The following VPS13B variants were observed in gnomAD, a reference collection of about 807,000 sequenced individuals.
VPS13B encodes intermembrane lipid transfer protein VPS13B.
A neutral mutation model predicts 426.4 loss-of-function variants in VPS13B; 285 were observed. The ratio of observed to expected loss-of-function variants is 0.67; its 90% confidence interval spans 0.61 to 0.74. VPS13B has a LOEUF of 0.74. Among genes scored for constraint, VPS13B ranks in the 30% least tolerant of loss-of-function variants. The pLI is 0.00. For synonymous variants in VPS13B, 1,676 were observed against 1,676.4 expected, an observed-to-expected ratio of 1.00 and a Z score of 0.01; for missense variants, 4,537 against 4,782.6, an observed-to-expected ratio of 0.95 and a Z score of 1.51.
chr8:99,618,735 A>G (rs1244477157), intron 33 of VPS13B, among the ~76,000 whole-genome samples: 1 of 152,222 alleles, frequency 6.6e-6, no homozygotes, highest in East Asian at 1.9e-4. Flanking sequence ...GCCTCTGAAT[A>G]TAATCCTTTG....
chr8:99,519,860 T>G (rs974599161), intron 29 of VPS13B, among the ~76,000 whole-genome samples: 4 of 151,872 alleles, frequency 2.6e-5, no homozygotes, highest in African/African-American at 9.7e-5. Context: ...AAATGACAAG[T>G]TAATGGGTGC....
chr8:99,764,723 T>A (rs548499735), intron 39 of VPS13B, among the ~76,000 whole-genome samples: 1 of 152,242 alleles, frequency 6.6e-6, no homozygotes, highest in African/African-American at 2.4e-5. Flanking sequence ...CATAGAGATA[T>A]ACTTTATTCA....
chr8:99,084,197 G>T (rs1372596306), intron 3 of VPS13B, among the ~76,000 whole-genome samples: 1 of 151,868 alleles, frequency 6.6e-6, no homozygotes, highest in Non-Finnish European at 1.5e-5. Context: ...AGGGTGTGTC[G>T]AGGAATTTAT....
chr8:99,614,525 A>G (rs141276682), intron 33 of VPS13B, among the ~76,000 whole-genome samples: 2 of 151,862 alleles, frequency 1.3e-5, no homozygotes, highest in Non-Finnish European at 2.9e-5. Context: ...TGATCCGCCC[A>G]CCTCGGCCTC....
intron 20 of VPS13B, 90 bp downstream of exon 20, chr8:99,384,407 T>G: frequency 9.5e-7 from 1 of 1,055,456 alleles, no homozygotes; most frequent in Admixed American, 1.9e-5. Context: ...GGATTCTTTT[T>G]TAACAAATGT....
In VPS13B at chr8:99,094,794, T is replaced by A. The variant is rs545082398; in HGVS notation, c.292-1518T>A. Among the ~76,000 whole-genome samples, 23 of 152,242 alleles carry A rather than the reference T, an allele frequency of 1.5e-4. No homozygotes were observed. The Middle Eastern group carries it at 0.014, about 90-fold the overall frequency. Reference sequence around the variant, plus strand: ...TCTTGAAATTTTCCCTTCAAATATATAAAGTAGAAAAACTAAATTTAATAC... The same window carrying A: ...TCTTGAAATTTTCCCTTCAAATATAAAAAGTAGAAAAACTAAATTTAATAC... On this transcript the variant is annotated intron_variant, in intron 3 of 61. Transcript: ENST00000357162.
chr8:99,079,238 G>A (rs569992030), intron 3 of VPS13B, among the ~76,000 whole-genome samples: 5 of 152,272 alleles, frequency 3.3e-5, no homozygotes, highest in Non-Finnish European at 1.5e-5. Context: ...CCTGGATGGT[G>A]TGTGCAAGTG....
Position 99,720,961 on chromosome 8 carries a change from C to T in VPS13B, c.6964C>T (p.Leu2322Phe), listed in dbSNP as rs760396073. Residue 2322 changes from leucine to phenylalanine, a missense_variant, in exon 39 of 62, where the codon CTC becomes TTC. This residue lies in a region of VPS13B where 4,311 missense variants were observed against 4,474.3 expected (regional missense o/e 0.96). Transcript: ENST00000357162. ...MLWRYPEPRVLTLVRITPVPF... is the reference protein window; with the variant it reads ...MLWRYPEPRVFTLVRITPVPF... Reference sequence around the variant, plus strand: ...ATGGAGATATCCAGAACCTAGAGTACTCACCCTTGTACGAATAACTCCTGT... The same window carrying T: ...ATGGAGATATCCAGAACCTAGAGTATTCACCCTTGTACGAATAACTCCTGT... The T allele has an allele frequency of 6.2e-7, 1 of 1,613,944 alleles. No homozygotes were observed. Among genetic ancestry groups the T allele is most frequent in the African/African-American group, 1.3e-5 (1 of 75,020 alleles).
intron 4 of VPS13B, 46 bp downstream of exon 4, chr8:99,096,478 G>T: frequency 6.2e-7 from 1 of 1,609,890 alleles, no homozygotes; most frequent in Non-Finnish European, 8.5e-7. Flanking sequence ...ATTTTTGGCC[G>T]GGCATGGTGG....
intron 39 of VPS13B, among the ~76,000 whole-genome samples, chr8:99,726,894 GC>G (rs1431537696): frequency 1.3e-5 from 2 of 152,182 alleles, no homozygotes; most frequent in African/African-American, 2.4e-5. Context: ...TTTTATTATA[GC>G]AGCATAAACT....
chr8:99,479,963 A>C (rs1819949798), intron 24 of VPS13B, among the ~76,000 whole-genome samples: 2 of 152,174 alleles, frequency 1.3e-5, no homozygotes, highest in Non-Finnish European at 2.9e-5. Flanking sequence ...GCTCTTTTTA[A>C]AAACTGTCAA....
intron 39 of VPS13B, among the ~76,000 whole-genome samples, chr8:99,750,695 A>G (rs1170455939): frequency 2.0e-5 from 3 of 152,170 alleles, no homozygotes; most frequent in South Asian, 4.1e-4. Context: ...AGAGGGGCAC[A>G]TAAGTTAGAG....
At chr8:99,624,148 G>A (rs1175829419) in intron 33 of VPS13B, among the ~76,000 whole-genome samples, 1 of 150,976 alleles carries the variant, frequency 6.6e-6, no homozygotes, top group East Asian at 1.9e-4. Flanking sequence ...GGTTATGTAT[G>A]TCAGTTGGTA....
At chr8:99,570,586 C>T (rs1825424429) in intron 31 of VPS13B, among the ~76,000 whole-genome samples, 1 of 150,552 alleles carries the variant, frequency 6.6e-6, no homozygotes, top group South Asian at 2.1e-4. Flanking sequence ...TTTTTTAATT[C>T]TGTATGTTTT....
intron 27 of VPS13B, 54 bp downstream of exon 27, chr8:99,503,004 TAC>T: frequency 7.5e-7 from 1 of 1,333,676 alleles, no homozygotes; most frequent in Non-Finnish European, 1.1e-6. Context: ...TGAACAAAGT[TAC>T]CATAAGACTT....
chr8:99,575,743 A>T lies in VPS13B; in HGVS notation c.5035A>T (p.Ile1679Phe). Residue 1679 changes from isoleucine to phenylalanine, a missense_variant, in exon 32 of 62, where the codon ATT (isoleucine) becomes TTT (phenylalanine). Physicochemically the swap from Ile to Phe is conservative, Grantham distance 21. This residue lies in a region of VPS13B where 4,311 missense variants were observed against 4,474.3 expected (regional missense o/e 0.96). Coordinates refer to ENST00000357162, the MANE Select transcript of VPS13B (RefSeq NM_152564.5). Reference sequence around the variant, plus strand: ...CCGAATAACTGGAGCACCTGCTGTCATTTTCACCAAAGTAGTTTCTCCAGA... The same window carrying T: ...CCGAATAACTGGAGCACCTGCTGTCTTTTTCACCAAAGTAGTTTCTCCAGA... Reference protein sequence around the residue: ...SVRITGAPAVIFTKVVSPENL... With the variant: ...SVRITGAPAVFFTKVVSPENL... The T allele has an allele frequency of 6.2e-7, 1 of 1,613,818 alleles. No individual in the cohort carries two copies. The highest frequency in any genetic ancestry group is 8.5e-7 in the Non-Finnish European group (1 of 1,179,874).
intron 23 of VPS13B, among the ~76,000 whole-genome samples, chr8:99,447,523 G>A (rs1817981865): frequency 6.6e-6 from 1 of 152,124 alleles, no homozygotes; most frequent in Non-Finnish European, 1.5e-5. Flanking sequence ...CTTGACTTCA[G>A]TTCAGTGGTA....
chr8:99,353,928 G>A (rs2133218220), intron 19 of VPS13B, among the ~76,000 whole-genome samples: 1 of 152,124 alleles, frequency 6.6e-6, no homozygotes, highest in East Asian at 1.9e-4. Flanking sequence ...ATTCTATAAA[G>A]CTTTATGGTA....
intron 19 of VPS13B, among the ~76,000 whole-genome samples, chr8:99,302,514 T>C (rs992944078): frequency 6.0e-5 from 9 of 150,040 alleles, no homozygotes; most frequent in Non-Finnish European, 1.2e-4. Context: ...CTCTATTGAT[T>C]TTTTTTTTTA....
Sources: allele counts gnomAD v4.1 joint callset (sites outside exome capture counted in the v4.1 genomes callset), GRCh38; gene constraint gnomAD v4.1.1; regional missense constraint gnomAD v4.1.1; transcripts MANE v1.5; gene names NCBI Gene and HGNC (gene_info 2026-07-23, HGNC 2026-07-21).